The following COL12A1 variants were observed in gnomAD, a reference collection of about 807,000 sequenced individuals.
COL12A1 encodes the protein collagen type XII alpha 1 chain, also known as collagen alpha-1(XII) chain.
Under a neutral mutation model 349.7 loss-of-function variants are expected in COL12A1, and 114 were observed. That is an observed-to-expected ratio of 0.33 (90% CI 0.28 to 0.38). The LOEUF is 0.38. Ranked by LOEUF, COL12A1 falls within the 10% of genes least tolerant of loss-of-function variation. COL12A1 has a pLI of 1.00. For missense variants in COL12A1, 3,284 were observed against 3,756.9 expected (o/e 0.87, Z 3.29); for synonymous variants, 1,369 against 1,329.0 (o/e 1.03, Z -0.66).
chr6:75,188,396 A>T lies in COL12A1; in HGVS notation c.963T>A (p.Asp321Glu), dbSNP rs982575204. Residue 321 changes from aspartate (D) to glutamate (E), a missense_variant, in exon 8 of 66, where the codon GAT becomes GAA. This residue lies in a region of COL12A1 where 2,601 missense variants were observed against 2,824.8 expected (regional missense o/e 0.92). Transcript: ENST00000322507. ...CACTAACCAATTCACCAAGTTGTTC[A>T]TCAACACCTGAGCACACCTGGGAGA... is the stretch of plus-strand genomic sequence containing the variant. The part of the protein sequence containing the change: ...EIISQVCSGV[D>E]EQLGELVSGE... 1 of 1,613,388 alleles carries T rather than the reference A, an allele frequency of 6.2e-7. No homozygotes were observed.
chr6:75,150,378 T>C (rs1767421260), intron 21 of COL12A1, among the ~76,000 whole-genome samples: 1 of 152,180 alleles, frequency 6.6e-6, no homozygotes, highest in Non-Finnish European at 1.5e-5. Context: ...TATATCTACT[T>C]TTTTAATACC....
chr6:75,168,791 G>C (rs551572211), intron 13 of COL12A1, among the ~76,000 whole-genome samples: 1 of 152,150 alleles, frequency 6.6e-6, no homozygotes, highest in Non-Finnish European at 1.5e-5. Context: ...GTGTGGGAAG[G>C]AACCTCAAAT....
chr6:75,147,739 A>G lies in COL12A1; in HGVS notation c.4353T>C (p.Val1451=). The change falls in exon 23 of 66, where the codon GTT becomes GTC. Residue 1451 remains valine, a synonymous_variant. Coordinates refer to ENST00000322507, the MANE Select transcript of COL12A1 (RefSeq NM_004370.6). The part of the protein sequence containing the change: ...LKDLKPETEY[V]VNVYSVVEDE... ...CTTCTACCACAGAATACACATTGAC[A>G]ACATATTCAGTTTCAGGTTTCAGAT... 6.2e-7 allele frequency: 1 copy of G among 1,613,616 alleles called. No homozygotes were observed. Among genetic ancestry groups the G allele is most frequent in the Non-Finnish European group, 8.5e-7 (1 of 1,179,642 alleles).
chr6:75,106,405 T>A lies in COL12A1; in HGVS notation c.8178+14A>T. 3 of 1,608,818 alleles carry A rather than the reference T, an allele frequency of 1.9e-6. No individual in the cohort carries two copies. The highest frequency in any genetic ancestry group is 2.6e-6 in the Non-Finnish European group (3 of 1,175,366). On this transcript the variant is annotated intron_variant, in intron 53 of 65. Coordinates refer to ENST00000322507, the MANE Select transcript of COL12A1 (RefSeq NM_004370.6). The stretch of plus-strand genomic sequence containing the variant: ...TGTTAAAGCCATGGCAGAATTCAAT[T>A]CTGTTTTACTTACCCTAGAGGGAAT...
chr6:75,094,951 C>T (rs1400032755), intron 60 of COL12A1, among the ~76,000 whole-genome samples, 157 bp downstream of exon 60: 14 of 152,182 alleles, frequency 9.2e-5, no homozygotes, highest in Admixed American at 4.6e-4. Context: ...AAATTTTGAA[C>T]TAGTACCAAG....
intron 62 of COL12A1, 143 bp downstream of exon 62, chr6:75,091,180 A>G (rs1767744480): frequency 1.5e-6 from 1 of 660,746 alleles, no homozygotes. Flanking sequence ...ATCAGATACA[A>G]AACTGACAAT....
Position 75,177,832 on chromosome 6 carries a change from T to C in COL12A1, c.2268A>G (p.Ile756Met). Residue 756 changes from isoleucine to methionine, a missense_variant, in exon 12 of 66, where the codon ATA becomes ATG. Transcript: ENST00000322507. ...TCTCTCCACCAGCAACTGGTCTATA[T>C]ATAATTCGATATCTTAAAACTCTCC... ...APGRVLRYRIIYRPVAGGESR... is the reference protein window; with the variant it reads ...APGRVLRYRIMYRPVAGGESR... 6.2e-7 allele frequency: 1 copy of C among 1,614,126 alleles called. No homozygotes were observed. Among genetic ancestry groups the C allele is most frequent in the Non-Finnish European group, 8.5e-7 (1 of 1,180,028 alleles).
intron 58 of COL12A1, 146 bp downstream of exon 58, chr6:75,101,454 G>A: frequency 1.5e-6 from 1 of 672,324 alleles, no homozygotes; most frequent in South Asian, 2.3e-5. Flanking sequence ...ATGTTGGATG[G>A]TCCACTGACA....
chr6:75,191,873 C>G (rs1769948795), intron 4 of COL12A1, 113 bp from the exon 5 acceptor site: 1 of 578,622 alleles, frequency 1.7e-6, no homozygotes, highest in Admixed American at 3.9e-5. Flanking sequence ...ATGTATGGCT[C>G]TGCCCAGCTG....
chr6:75,189,187 A>C, intron 7 of COL12A1, 30 bp downstream of exon 7: 5 of 1,606,142 alleles, frequency 3.1e-6, no homozygotes, highest in Non-Finnish European at 4.3e-6. Context: ...GGAGTTGTAA[A>C]ATGGAAATAA....
intron 8 of COL12A1, 42 bp downstream of exon 8, chr6:75,188,320 G>T (rs1769739653): frequency 6.4e-7 from 1 of 1,552,540 alleles, no homozygotes; most frequent in Non-Finnish European, 8.7e-7. Context: ...CTCAAACAAT[G>T]GAAAAGACTA....
At chr6:75,150,901 A>G (rs574269312) in intron 21 of COL12A1, among the ~76,000 whole-genome samples, 1 of 152,262 alleles carries the variant, frequency 6.6e-6, no homozygotes, top group South Asian at 2.1e-4. Context: ...ATCAGTGACT[A>G]ATGCAGTGAT....
At chr6:75,169,573 ATGTGTCTT>A (rs1459897271) in intron 13 of COL12A1, among the ~76,000 whole-genome samples, 1 of 152,110 alleles carries the variant, frequency 6.6e-6, no homozygotes, top group African/African-American at 2.4e-5. Context: ...ATTTACAAAT[ATGTGTCTT>A]ATGGTGCTGG....
chr6:75,102,184 G>T (rs189953508), intron 56 of COL12A1, 132 bp from the exon 57 acceptor site: 9 of 822,682 alleles, frequency 1.1e-5, no homozygotes, highest in African/African-American at 8.6e-5. Flanking sequence ...AGCACAGAAG[G>T]GTATTTTTGA....
chr6:75,143,103 A>C, intron 26 of COL12A1, 149 bp downstream of exon 26: 1 of 839,514 alleles, frequency 1.2e-6, no homozygotes, highest in Non-Finnish European at 1.8e-6. Flanking sequence ...ATTTTCAAAA[A>C]CTGCTTTATT....
chr6:75,145,952 A>G, intron 24 of COL12A1, 150 bp downstream of exon 24: 1 of 823,862 alleles, frequency 1.2e-6, no homozygotes, highest in Non-Finnish European at 1.7e-6. Context: ...TGTTTTCTAC[A>G]ATGTGTTGCA....
At chr6:75,180,155 A>G (rs977412802) in intron 11 of COL12A1, among the ~76,000 whole-genome samples, 1 of 152,252 alleles carries the variant, frequency 6.6e-6, no homozygotes, top group Non-Finnish European at 1.5e-5. Flanking sequence ...GTATACATAC[A>G]GTGGAATATT....
At position 75,091,650 on chromosome 6, in the gene COL12A1, A is replaced by AT. The variant is rs1767772560; in HGVS notation, c.8650-126dup. ...AAGCATTAGCAAAATGACACATCAC[A>AT]TTTATATCCATGTTACTCACATTCT... is the stretch of plus-strand genomic sequence containing the variant. On this transcript the variant is annotated intron_variant, in intron 60 of 65. Transcript: ENST00000322507. The AT allele has an allele frequency of 1.5e-5, 13 of 841,510 alleles. No individual in the cohort carries two copies. In the South Asian group the frequency reaches 1.8e-4, roughly 11 times the overall value. 52.1% of individuals were successfully genotyped at this position (841,510 alleles called of 1,614,324 possible).
At position 75,128,338 on chromosome 6, in the gene COL12A1, C is replaced by T. The variant is rs1186631847; in HGVS notation, c.6298G>A (p.Glu2100Lys). The T allele has an allele frequency of 1.2e-6, 2 of 1,607,838 alleles. No individual in the cohort carries two copies. Among genetic ancestry groups the T allele is most frequent in the South Asian group, 2.2e-5 (2 of 89,642 alleles). ...GTTAGATGGCCACCATCTCCATCTT[C>T]ATAAACAGCAATAACAGTAATTTTA... ...PYKITVIAVY[E>K]DGDGGHLTGN... is the part of the protein sequence containing the mutation. Residue 2100 changes from glutamate to lysine, a missense_variant, in exon 38 of 66, where the codon GAA becomes AAA. Physicochemically the swap from Glu to Lys is moderately conservative, Grantham distance 56. This residue lies in a region of COL12A1 where 2,601 missense variants were observed against 2,824.8 expected (regional missense o/e 0.92). Transcript: ENST00000322507.
Sources: allele counts gnomAD v4.1 joint callset (sites outside exome capture counted in the v4.1 genomes callset), GRCh38; gene constraint gnomAD v4.1.1; regional missense constraint gnomAD v4.1.1; transcripts MANE v1.5; gene names NCBI Gene and HGNC (gene_info 2026-07-23, HGNC 2026-07-21).